Variants in NT5DC3 observed in about 807,000 individuals in gnomAD.
NT5DC3 encodes the protein 5'-nucleotidase domain containing 3.
Under a neutral mutation model 67.8 loss-of-function variants are expected in NT5DC3, and 42 were observed. The observed-to-expected ratio is 0.62, with a 90% confidence interval of 0.48 to 0.80. The LOEUF (loss-of-function observed/expected upper bound fraction) is 0.80, where lower values mean the gene tolerates loss of function less well. Ranked by LOEUF, NT5DC3 falls within the 30% of genes least tolerant of loss-of-function variation. NT5DC3 has a pLI of 0.00. For synonymous variants in NT5DC3, 237 were observed against 255.6 expected (o/e 0.93, Z 0.69); for missense variants, 570 against 696.4 (o/e 0.82, Z 2.04).
At chr12:103,831,561 A>G (rs577696324) in intron 1 of NT5DC3, among the ~76,000 whole-genome samples, 87 of 152,192 alleles carry the variant, frequency 5.7e-4, no homozygotes, top group African/African-American at 2.1e-3. Context: ...TAGAGCAAAG[A>G]CCAAAAGAGA....
intron 4 of NT5DC3, among the ~76,000 whole-genome samples, chr12:103,804,485 G>C (rs1399994445): frequency 1.3e-5 from 2 of 152,296 alleles, no homozygotes; most frequent in East Asian, 3.9e-4. Flanking sequence ...TTGAAACAGG[G>C]AAAGTAGCAA....
At position 103,814,938 on chromosome 12, in the gene NT5DC3, C is replaced by G; in HGVS notation, c.392G>C (p.Arg131Pro). 1 of 1,601,668 alleles carries G rather than the reference C, an allele frequency of 6.2e-7. No individual in the cohort carries two copies. The highest frequency in any genetic ancestry group is 8.5e-7 in the Non-Finnish European group (1 of 1,173,382). Residue 131 changes from arginine (R) to proline (P), a missense_variant and splice_region_variant, in exon 2 of 14, where the codon CGG becomes CCG. By Grantham distance (103) the Arg-to-Pro change is moderately radical. Coordinates refer to ENST00000392876, the MANE Select transcript of NT5DC3 (RefSeq NM_001031701.3). ...CCTGAAATGTCCCTGTGATCTTACC[C>G]GGTGTTCATTGATGAGAAGGTCCCG... ...AARDLLINEH[R>P]YPAEIRKYEY...
chr12:103,781,283 T>C (rs1446189186), intron 12 of NT5DC3, among the ~76,000 whole-genome samples: 22 of 152,214 alleles, frequency 1.4e-4, no homozygotes, highest in Admixed American at 1.4e-3. Context: ...GCTTTTGACA[T>C]GGGAGCCAAG....
chr12:103,769,153 T>A (rs1442726029), downstream of NT5DC3, among the ~76,000 whole-genome samples: 1 of 152,116 alleles, frequency 6.6e-6, no homozygotes, highest in Non-Finnish European at 1.5e-5. Context: ...AGTCTGAAGA[T>A]GCCACATTCC....
chr12:103,793,586 G>T, intron 7 of NT5DC3, 74 bp from the exon 8 acceptor site: 2 of 1,098,982 alleles, frequency 1.8e-6, no homozygotes, highest in Non-Finnish European at 2.7e-6. Flanking sequence ...TCTAAATGGG[G>T]GTTTGGGTCC....
intron 12 of NT5DC3, among the ~76,000 whole-genome samples, chr12:103,780,809 C>T (rs923677282): frequency 5.9e-5 from 9 of 152,064 alleles, no homozygotes; most frequent in Non-Finnish European, 7.4e-5. Flanking sequence ...TGTGTACAAA[C>T]GTTATAGTTA....
At chr12:103,750,657 C>T in the NT5DC3 span, 25 of 1,614,224 alleles carry the variant, frequency 1.5e-5, no homozygotes, top group South Asian at 4.4e-5. Flanking sequence ...GCCCATTGAC[C>T]GCTGCTTACA....
chr12:103,811,956 T>A (rs1477180224), intron 2 of NT5DC3, among the ~76,000 whole-genome samples: 1 of 151,894 alleles, frequency 6.6e-6, no homozygotes, highest in Non-Finnish European at 1.5e-5. Flanking sequence ...AACAATCAGG[T>A]GATCAATGGT....
chr12:103,830,558 C>T (rs1452214108), intron 1 of NT5DC3, among the ~76,000 whole-genome samples: 1 of 152,186 alleles, frequency 6.6e-6, no homozygotes, highest in Admixed American at 6.5e-5. Context: ...TTCATAATAT[C>T]CATCTCTTTG....
At chr12:103,759,137 T>C in the NT5DC3 span, 3 of 1,614,088 alleles carry the variant, frequency 1.9e-6, no homozygotes, top group African/African-American at 2.7e-5. Flanking sequence ...TCTCAGACCT[T>C]GTCTGGGCGG....
the NT5DC3 span, among the ~76,000 whole-genome samples, chr12:103,748,088 T>C: frequency 9.3e-3 from 1,417 of 152,112 alleles, 21 homozygotes; most frequent in African/African-American, 0.033. Context: ...TACTTTCTAA[T>C]ATTTTTCATG....
In NT5DC3 at chr12:103,817,967, G is replaced by A. The variant is rs895766982; in HGVS notation, c.209-2846C>T. On this transcript the variant is annotated intron_variant, in intron 1 of 13. Coordinates refer to ENST00000392876, the MANE Select transcript of NT5DC3 (RefSeq NM_001031701.3). Reference sequence around the variant, plus strand: ...TAACAGCTCCAGTCAGGGCACTGAGGCCCCAGTCAGGGACCAACCCAGCCA... The same window carrying A: ...TAACAGCTCCAGTCAGGGCACTGAGACCCCAGTCAGGGACCAACCCAGCCA... Among the ~76,000 whole-genome samples, 39 of 152,306 alleles carry A rather than the reference G, an allele frequency of 2.6e-4. 2 individuals are homozygous for A. The highest frequency in any genetic ancestry group is 2.0e-3 in the Admixed American group (31 of 15,296).
At chr12:103,758,689 A>G in the NT5DC3 span, among the ~76,000 whole-genome samples, 1 of 152,210 alleles carries the variant, frequency 6.6e-6, no homozygotes, top group African/African-American at 2.4e-5. Flanking sequence ...TGGGGGGCAA[A>G]GGGCCAGGGG....
intron 12 of NT5DC3, 35 bp from the exon 13 acceptor site, chr12:103,780,399 G>C: frequency 6.3e-7 from 1 of 1,594,910 alleles, no homozygotes; most frequent in South Asian, 1.1e-5. Context: ...CAACTGTTTT[G>C]ATTTCAAATA....
At chr12:103,782,732 T>C (rs1207598356) in intron 12 of NT5DC3, among the ~76,000 whole-genome samples, 1 of 152,192 alleles carries the variant, frequency 6.6e-6, no homozygotes, top group Non-Finnish European at 1.5e-5. Context: ...TATATACTTC[T>C]ATTTCATTCA....
At chr12:103,796,797 A>C (rs1292235395) in intron 6 of NT5DC3, 97 bp downstream of exon 6, 14 of 1,306,812 alleles carry the variant, frequency 1.1e-5, no homozygotes, top group Non-Finnish European at 1.4e-5. Flanking sequence ...GAGACTATTT[A>C]AAACACCTAA....
At chr12:103,746,940 T>G in the NT5DC3 span, among the ~76,000 whole-genome samples, 23 of 141,552 alleles carry the variant, frequency 1.6e-4, no homozygotes, top group South Asian at 5.3e-3. Context: ...CTTTAGAATG[T>G]TTTTCTTTCT....
rs895149466 is a variant in NT5DC3 at position 103,777,287 on chromosome 12, A to G, written c.*542T>C. On this transcript the variant is annotated 3_prime_UTR_variant, in exon 14 of 14. Coordinates refer to ENST00000392876, the MANE Select transcript of NT5DC3 (RefSeq NM_001031701.3). ...TGTTCTATTTGATGTGATGTGCCAG[A>G]ATGTCAAAGCCTTAGTACCAAATGA... The G allele has an allele frequency of 3.9e-5, 6 of 154,380 alleles. No homozygotes were observed. Among genetic ancestry groups the G allele is most frequent in the African/African-American group, 1.4e-4 (6 of 41,476 alleles). The allele number at this position is 154,380 out of a possible 1,614,324, so 9.6% of individuals were successfully genotyped here.
intron 2 of NT5DC3, among the ~76,000 whole-genome samples, chr12:103,807,604 C>T (rs1292964163): frequency 6.6e-6 from 1 of 152,210 alleles, no homozygotes; most frequent in Non-Finnish European, 1.5e-5. Flanking sequence ...CTAGGGAGGC[C>T]CTTCCTTGGC....
Sources: gnomAD v4.1 joint callset for allele counts (sites outside exome capture counted in the v4.1 genomes callset) on GRCh38, gnomAD v4.1.1 for gene constraint, MANE v1.5 for transcripts, NCBI Gene and HGNC (gene_info 2026-07-23, HGNC 2026-07-21) for gene names.